The following CCDC68 variants were observed in gnomAD, a reference collection of about 807,000 sequenced individuals.
The protein encoded by CCDC68 is coiled-coil domain-containing protein 68.
CCDC68 carries 45 observed loss-of-function variants against 47.1 expected under a neutral mutation model. The ratio of observed to expected loss-of-function variants is 0.96; its 90% CI spans 0.75 to 1.23. CCDC68 has a LOEUF of 1.23. CCDC68 is among the 50% of genes most tolerant of loss of function. CCDC68 has a pLI of 0.00. For missense variants in CCDC68, 353 were observed against 373.6 expected, an observed-to-expected ratio of 0.94 and a Z score of 0.45; for synonymous variants, 131 against 129.5, an observed-to-expected ratio of 1.01 and a Z score of -0.08.
In CCDC68 at chr18:54,957,200, A is replaced by G. The variant is rs139673360; in HGVS notation, c.-103+2136T>C. Reference sequence around the variant, plus strand: ...AATATTTCATAACATTAAGCCTGGAACACATGATTCCTAAGTTCTTCCCCA... The same window carrying G: ...AATATTTCATAACATTAAGCCTGGAGCACATGATTCCTAAGTTCTTCCCCA... On this transcript the variant is annotated intron_variant, in intron 1 of 11. Transcript: ENST00000591504. Among the ~76,000 whole-genome samples, 714 of 152,346 alleles carry G rather than the reference A, an allele frequency of 4.7e-3. 1 individual carries two copies. The highest frequency in any genetic ancestry group is 7.7e-3 in the Non-Finnish European group (527 of 68,038).
intron 6 of CCDC68, among the ~76,000 whole-genome samples, chr18:54,935,514 A>G (rs2044328777): frequency 6.6e-6 from 1 of 152,194 alleles, no homozygotes; most frequent in Non-Finnish European, 1.5e-5. Flanking sequence ...GACATTTCAC[A>G]GGGAAAAATA....
chr18:54,940,548 A>G (rs2044418411), intron 4 of CCDC68, among the ~76,000 whole-genome samples: 1 of 152,222 alleles, frequency 6.6e-6, no homozygotes, highest in Non-Finnish European at 1.5e-5. Context: ...GACAAGGCTA[A>G]GTGCAGATTG....
intron 4 of CCDC68, among the ~76,000 whole-genome samples, chr18:54,938,672 G>A (rs1173745098): frequency 1.3e-5 from 2 of 152,210 alleles, no homozygotes; most frequent in Non-Finnish European, 2.9e-5. Context: ...ATAATAAATT[G>A]GAAACCACCT....
intron 8 of CCDC68, among the ~76,000 whole-genome samples, chr18:54,924,783 A>G (rs2044118425): frequency 6.6e-6 from 1 of 152,174 alleles, no homozygotes; most frequent in South Asian, 2.1e-4. Context: ...GAGTTCATGG[A>G]GAACTTCTCT....
At chr18:54,938,173 A>C (rs1431016029) in intron 4 of CCDC68, 76 bp from the exon 5 acceptor site, 1 of 1,363,100 alleles carries the variant, frequency 7.3e-7, no homozygotes, top group Non-Finnish European at 9.8e-7. Flanking sequence ...ATGATCATTT[A>C]GTATTACATA....
At chr18:54,918,176 T>A (rs1008232531) in intron 9 of CCDC68, among the ~76,000 whole-genome samples, 180 bp from the exon 10 acceptor site, 3 of 152,240 alleles carry the variant, frequency 2.0e-5, no homozygotes, top group African/African-American at 7.2e-5. Flanking sequence ...AACTGACACC[T>A]GGGGCTGAAA....
intron 11 of CCDC68, among the ~76,000 whole-genome samples, chr18:54,905,709 CA>C (rs970895052): frequency 2.6e-5 from 4 of 152,096 alleles, no homozygotes; most frequent in Admixed American, 1.3e-4. Flanking sequence ...GCCTTTATAT[CA>C]GGGGTGCCCA....
Position 54,938,109 on chromosome 18 carries a change from A to G in CCDC68, c.205-12T>C, listed in dbSNP as rs1013553929. On this transcript the variant is annotated splice_polypyrimidine_tract_variant and intron_variant, in intron 4 of 11. Coordinates refer to ENST00000591504, the MANE Select transcript of CCDC68 (RefSeq NM_025214.3). The stretch of plus-strand genomic sequence containing the variant: ...AGGTTTCCACAGTGCTGAAACGGAC[A>G]AATGAAAATCATAGACCTGACTATC... 11 of 1,604,246 alleles carry G rather than the reference A, an allele frequency of 6.9e-6. No individual in the cohort carries two copies. The highest frequency in any genetic ancestry group is 9.3e-6 in the Non-Finnish European group (11 of 1,177,038).
At position 54,936,256 on chromosome 18, in the gene CCDC68, TTTAAAA is replaced by T. The variant is rs1255722034; in HGVS notation, c.471+571_471+576del. Among the ~76,000 whole-genome samples, 3 of 145,136 alleles carry T rather than the reference TTTAAAA, an allele frequency of 2.1e-5. No individual in the cohort carries two copies. In the East Asian group the frequency reaches 5.9e-4, roughly 28 times the overall value. On this transcript the variant is annotated intron_variant, in intron 6 of 11. Coordinates refer to ENST00000591504, the MANE Select transcript of CCDC68 (RefSeq NM_025214.3). ...TTTAAAAAATATATAGTTATATATA[TTTAAAA>T]ATATATAGTTATATATTTTTAAATA...
chr18:54,935,423 C>G (rs1461602492), intron 6 of CCDC68, among the ~76,000 whole-genome samples: 1 of 152,216 alleles, frequency 6.6e-6, no homozygotes, highest in Non-Finnish European at 1.5e-5. Context: ...GGAGAGAAGA[C>G]TCCATCTAGC....
intron 10 of CCDC68, among the ~76,000 whole-genome samples, chr18:54,914,109 T>A (rs1203120553): frequency 1.3e-4 from 20 of 152,180 alleles, no homozygotes; most frequent in Non-Finnish European, 2.9e-5. Flanking sequence ...TACCCAGCAC[T>A]TAGAACATTT....
intron 7 of CCDC68, among the ~76,000 whole-genome samples, chr18:54,934,165 C>T (rs1212660102): frequency 6.6e-6 from 1 of 152,178 alleles, no homozygotes; most frequent in East Asian, 1.9e-4. Flanking sequence ...CTTGATTTGT[C>T]CAAATTCTAA....
chr18:54,958,867 A>G (rs537232055), intron 1 of CCDC68, among the ~76,000 whole-genome samples: 1 of 152,288 alleles, frequency 6.6e-6, no homozygotes, highest in Admixed American at 6.5e-5. Flanking sequence ...CGCACAAATG[A>G]ATGAAGACAG....
At chr18:54,910,938 C>T (rs1221758880) in intron 10 of CCDC68, among the ~76,000 whole-genome samples, 1 of 152,198 alleles carries the variant, frequency 6.6e-6, no homozygotes, top group Admixed American at 6.5e-5. Context: ...TCCAAGGCCC[C>T]CAGGAGTGCA....
At chr18:54,905,475 T>A (rs8087302) in intron 11 of CCDC68, among the ~76,000 whole-genome samples, 1 of 151,314 alleles carries the variant, frequency 6.6e-6, no homozygotes, top group Non-Finnish European at 1.5e-5. Context: ...AAAAAACCTT[T>A]TTTGTTTGTA....
chr18:54,913,168 G>C (rs1464785148), intron 10 of CCDC68, among the ~76,000 whole-genome samples: 1 of 152,198 alleles, frequency 6.6e-6, no homozygotes, highest in Non-Finnish European at 1.5e-5. Context: ...CAGATCCTCA[G>C]TTTTGTCACT....
chr18:54,957,035 A>T (rs2044723174), intron 1 of CCDC68, among the ~76,000 whole-genome samples: 1 of 152,208 alleles, frequency 6.6e-6, no homozygotes, highest in African/African-American at 2.4e-5. Context: ...TTTATAGGAA[A>T]AAATATAATT....
intron 7 of CCDC68, among the ~76,000 whole-genome samples, chr18:54,932,635 C>T (rs1276778268): frequency 6.6e-6 from 1 of 152,226 alleles, no homozygotes; most frequent in Admixed American, 6.5e-5. Context: ...CCTTACTAAG[C>T]CATGTGCATC....
chr18:54,923,354 G>T (rs140431711), intron 8 of CCDC68, among the ~76,000 whole-genome samples: 66 of 151,924 alleles, frequency 4.3e-4, no homozygotes, highest in African/African-American at 1.3e-3. Context: ...AGAGAACATA[G>T]GTTGTTATTT....
Sources: gnomAD v4.1 joint callset for allele counts (sites outside exome capture counted in the v4.1 genomes callset) on GRCh38, gnomAD v4.1.1 for gene constraint, MANE v1.5 for transcripts, NCBI Gene and HGNC (gene_info 2026-07-23, HGNC 2026-07-21) for gene names.